The following THAP5 variants were observed in gnomAD, a reference collection of about 807,000 sequenced individuals.
THAP5 encodes the protein THAP domain-containing protein 5.
THAP5 carries 26 observed loss-of-function variants against 34.0 expected under a neutral mutation model. The ratio of observed to expected loss-of-function variants is 0.77; its 90% confidence interval spans 0.56 to 1.06. THAP5 has a LOEUF of 1.06. Among genes scored for constraint, THAP5 ranks in the 50% least tolerant of loss-of-function variants. The pLI is 0.00. For synonymous variants in THAP5, 125 were observed against 153.0 expected (o/e 0.82, Z 1.35); for missense variants, 394 against 452.8 (o/e 0.87, Z 1.18).
chr7:108,553,839 C>T (rs1864369075), downstream of THAP5, among the ~76,000 whole-genome samples: 1 of 152,150 alleles, frequency 6.6e-6, no homozygotes, highest in Non-Finnish European at 1.5e-5. Context: ...CCTCTAACTG[C>T]CCTTTCTCTG....
At chr7:108,550,226 A>C (rs557628109), downstream of THAP5, among the ~76,000 whole-genome samples, 1 of 152,278 alleles carries the variant, frequency 6.6e-6, no homozygotes, top group African/African-American at 2.4e-5. Context: ...TTTTGCTTCC[A>C]GTGTAGCTAA....
chr7:108,553,657 G>A (rs889005858), downstream of THAP5, among the ~76,000 whole-genome samples: 4 of 152,254 alleles, frequency 2.6e-5, no homozygotes, highest in East Asian at 5.8e-4. Context: ...AAATCCAGGG[G>A]TGCTGCTCTC....
chr7:108,561,430 A>G, downstream of THAP5, among the ~76,000 whole-genome samples: 1 of 127,962 alleles, frequency 7.8e-6, no homozygotes, highest in Admixed American at 7.9e-5. Flanking sequence ...TGCCTGGCTG[A>G]TTTTTTTTTT....
chr7:108,566,002 T>C lies in THAP5; in HGVS notation c.101A>G (p.Glu34Gly), dbSNP rs747831763. 1.3e-6 allele frequency: 2 copies of C among 1,528,974 alleles called. No individual in the cohort carries two copies. The highest frequency in any genetic ancestry group is 1.4e-5 in the African/African-American group (1 of 71,492). The allele number at this position is 1,528,974 out of a possible 1,614,324, so 94.7% of individuals were successfully genotyped here. A position where few individuals can be genotyped will look rare whatever the true frequency, so the allele number is the denominator to read the frequency against. Residue 34 changes from glutamate (E) to glycine (G), a missense_variant, in exon 2 of 3, where the codon GAA becomes GGA. Physicochemically the swap from Glu to Gly is moderately conservative, Grantham distance 98 (BLOSUM62 -2). Transcript: ENST00000415914. The stretch of plus-strand genomic sequence containing the variant: ...ATTCTTTAACCACTTTTCCAGTCTT[T>C]CTTTGTCATGTAGAGGAAATCTGGA... ...SFYPFPLHDK[E>G]RLEKWLKNMK...
In THAP5 at chr7:108,564,313, G is replaced by T. The variant is rs1248777821; in HGVS notation, c.1066C>A (p.Leu356Ile). ...GCTTCCAAAGACTTCAATCTACCTAGAGTTTGTTGCTCTTTTAACTCTAGA... is the reference window on the plus strand; with the variant it reads ...GCTTCCAAAGACTTCAATCTACCTATAGTTTGTTGCTCTTTTAACTCTAGA... ...TLLELKEQQT[L>I]GRLKSLEALI... The change falls in exon 3 of 3, where the codon CTA becomes ATA. Residue 356 changes from leucine to isoleucine, a missense_variant. Coordinates refer to ENST00000415914, the MANE Select transcript of THAP5 (RefSeq NM_001130475.3). 6.2e-7 allele frequency: 1 copy of T among 1,613,834 alleles called. No individual in the cohort carries two copies. Among genetic ancestry groups the T allele is most frequent in the Admixed American group, 1.7e-5 (1 of 59,998 alleles).
At chr7:108,545,067 AT>A in the THAP5 span, among the ~76,000 whole-genome samples, 1 of 152,212 alleles carries the variant, frequency 6.6e-6, no homozygotes, top group Non-Finnish European at 1.5e-5. Flanking sequence ...ATTTAGTTTT[AT>A]TTTTGTCTTA....
chr7:108,559,772 G>A (rs565543246), downstream of THAP5, among the ~76,000 whole-genome samples: 4 of 152,214 alleles, frequency 2.6e-5, no homozygotes, highest in East Asian at 5.8e-4. Context: ...GAGAGTGAGC[G>A]AGAGTAGGTG....
downstream of THAP5, among the ~76,000 whole-genome samples, chr7:108,552,804 G>A (rs1864361950): frequency 1.3e-5 from 2 of 151,212 alleles, no homozygotes; most frequent in African/African-American, 2.4e-5. Context: ...TGTCTCAGGG[G>A]AAAAAAAAAA....
At chr7:108,545,805 T>C in the THAP5 span, among the ~76,000 whole-genome samples, 2 of 152,206 alleles carry the variant, frequency 1.3e-5, no homozygotes, top group African/African-American at 4.8e-5. Context: ...ATTTTGTGAC[T>C]TTCTGAGTGG....
chr7:108,554,794 C>G (rs1017896292), exon 2 of THAP5: 3 of 152,180 alleles, frequency 2.0e-5, no homozygotes, highest in African/African-American at 7.2e-5. Context: ...TTATTCTTCA[C>G]TACTGTAGTC....
chr7:108,555,321 T>A (rs949109412), intron 1 of THAP5, among the ~76,000 whole-genome samples: 1 of 152,036 alleles, frequency 6.6e-6, no homozygotes, highest in African/African-American at 2.4e-5. Context: ...CCCGCCACCA[T>A]GCCCAGTTAA....
chr7:108,565,424 C>T (rs40945), intron 2 of THAP5: 55,131 of 190,124 alleles, frequency 0.29, 8,476 homozygotes, highest in Non-Finnish European at 0.34. Context: ...AAAAATTAGC[C>T]GGGCGTGGTG....
the THAP5 span, among the ~76,000 whole-genome samples, chr7:108,547,456 T>C: frequency 9.8e-5 from 15 of 152,350 alleles, no homozygotes; most frequent in South Asian, 3.1e-3. Context: ...AATTAGCTCC[T>C]ACTCCATTGC....
chr7:108,555,327 G>GA (rs1277725099), intron 1 of THAP5, among the ~76,000 whole-genome samples: 4 of 152,030 alleles, frequency 2.6e-5, no homozygotes, highest in African/African-American at 9.7e-5. Flanking sequence ...ACCATGCCCA[G>GA]TTAATTTTTT....
At chr7:108,567,259 G>GT in intron 1 of THAP5, among the ~76,000 whole-genome samples, 1 of 152,274 alleles carries the variant, frequency 6.6e-6, no homozygotes, top group South Asian at 2.1e-4. Context: ...ATATTAGGTT[G>GT]TAAGTATGAC....
rs1270743875 is a variant in THAP5 at position 108,564,830 on chromosome 7, T to C, written c.549A>G (p.Ser183=). 7 of 1,613,056 alleles carry C rather than the reference T, an allele frequency of 4.3e-6. No individual in the cohort carries two copies. The East Asian group carries it at 1.1e-4, about 26-fold the overall frequency. The change falls in exon 3 of 3, where the codon TCA becomes TCG. Residue 183 remains serine, a synonymous_variant. Transcript: ENST00000415914. ...CACCTCTACCTGTATCTTGGTTAAC[T>C]GATGTTTCCAAGGTAGATTCTGGTT... The part of the protein sequence containing the change: ...TGKPESTLET[S]VNQDTGRGGF...
At chr7:108,559,628 C>G (rs1188350694), downstream of THAP5, among the ~76,000 whole-genome samples, 1 of 152,108 alleles carries the variant, frequency 6.6e-6, no homozygotes, top group Non-Finnish European at 1.5e-5. Context: ...AAACAAATAC[C>G]TGAGACTGAG....
downstream of THAP5, among the ~76,000 whole-genome samples, chr7:108,559,814 A>T (rs1864413682): frequency 6.6e-6 from 1 of 152,056 alleles, no homozygotes; most frequent in Admixed American, 6.5e-5. Flanking sequence ...ATCAGATCTC[A>T]TGAGAACTCA....
Position 108,564,535 on chromosome 7 carries a change from T to C in THAP5, c.844A>G (p.Lys282Glu), listed in dbSNP as rs1316540037. The change falls in exon 3 of 3, where the codon AAA becomes GAA. Residue 282 changes from lysine to glutamate, a missense_variant. By Grantham distance (56) the Lys-to-Glu change is moderately conservative (BLOSUM62 1). Transcript: ENST00000415914. ...IAIFVPAENS[K>E]PSVNSFISAQ... ...GATATAAAAGAATTAACTGAGGGTT[T>C]AGAATTTTCAGCAGGTACAAAAATG... is the stretch of plus-strand genomic sequence containing the variant. The C allele has an allele frequency of 3.7e-6, 6 of 1,613,850 alleles. No homozygotes were observed. Among genetic ancestry groups the C allele is most frequent in the Non-Finnish European group, 5.1e-6 (6 of 1,179,886 alleles).
Sources: gnomAD v4.1 joint callset for allele counts (sites outside exome capture counted in the v4.1 genomes callset) on GRCh38, gnomAD v4.1.1 for gene constraint, MANE v1.5 for transcripts, NCBI Gene and HGNC (gene_info 2026-07-23, HGNC 2026-07-21) for gene names.